Variants in SOX5 observed in about 807,000 individuals in gnomAD.
SOX5 encodes the protein transcription factor SOX-5.
In SOX5, 9 loss-of-function variants were observed where a neutral mutation model predicts 92.0. The ratio of observed to expected loss-of-function variants is 0.10; its 90% confidence interval spans 0.06 to 0.17. The LOEUF (loss-of-function observed/expected upper bound fraction) is 0.17. SOX5 is among the 10% of genes least tolerant of loss of function. SOX5 has a pLI of 1.00. For missense variants in SOX5, 642 were observed against 944.5 expected (o/e 0.68, Z 4.20); for synonymous variants, 344 against 336.3 (o/e 1.02, Z -0.25).
At chr12:23,809,984 T>C (rs773753842) in intron 3 of SOX5, among the ~76,000 whole-genome samples, 10 of 152,094 alleles carry the variant, frequency 6.6e-5, no homozygotes, top group Non-Finnish European at 1.2e-4. Flanking sequence ...AAACGAAATA[T>C]TTGGTTTGAA....
At chr12:24,538,377 A>C (rs1456462850) in intron 1 of SOX5, among the ~76,000 whole-genome samples, 1 of 152,154 alleles carries the variant, frequency 6.6e-6, no homozygotes, top group Non-Finnish European at 1.5e-5. Flanking sequence ...CTGAACTTTG[A>C]CCTGCTTAAA....
At chr12:24,453,864 G>C (rs945594402) in intron 1 of SOX5, among the ~76,000 whole-genome samples, 1 of 152,154 alleles carries the variant, frequency 6.6e-6, no homozygotes, top group African/African-American at 2.4e-5. Context: ...CTCCATCAGC[G>C]TCTACATCTC....
intron 3 of SOX5, among the ~76,000 whole-genome samples, chr12:23,820,002 C>T (rs531607748): frequency 1.3e-5 from 2 of 152,302 alleles, no homozygotes; most frequent in Admixed American, 1.3e-4. Flanking sequence ...TGAGGAATCG[C>T]CACACTGTCT....
intron 4 of SOX5, among the ~76,000 whole-genome samples, chr12:24,048,412 A>C (rs1957249307): frequency 6.6e-6 from 1 of 152,196 alleles, no homozygotes; most frequent in Non-Finnish European, 1.5e-5. Context: ...AAAGAGTTAT[A>C]AACAGGAGCA....
At chr12:23,982,432 C>A (rs1321902766) in intron 4 of SOX5, among the ~76,000 whole-genome samples, 1 of 152,126 alleles carries the variant, frequency 6.6e-6, no homozygotes, top group Non-Finnish European at 1.5e-5. Flanking sequence ...TTACACAAAT[C>A]TCCATTCGGA....
chr12:24,254,632 T>G (rs1940814161), intron 3 of SOX5, among the ~76,000 whole-genome samples: 1 of 151,952 alleles, frequency 6.6e-6, no homozygotes, highest in Non-Finnish European at 1.5e-5. Flanking sequence ...TGAATATGTA[T>G]CACTTGGGTT....
intron 2 of SOX5, among the ~76,000 whole-genome samples, chr12:24,289,384 G>T (rs184189732): frequency 5.3e-4 from 81 of 151,818 alleles, no homozygotes; most frequent in African/African-American, 1.8e-3. Context: ...AATCTCTTGC[G>T]TTTCTGTACT....
At chr12:23,586,704 T>G (rs1376806755) in intron 9 of SOX5, among the ~76,000 whole-genome samples, 1 of 151,718 alleles carries the variant, frequency 6.6e-6, no homozygotes, top group African/African-American at 2.4e-5. Flanking sequence ...CATGAGTTGT[T>G]GGAAGATTAA....
chr12:23,947,297 AAC>A (rs1220351911), intron 1 of SOX5, among the ~76,000 whole-genome samples: 1 of 152,114 alleles, frequency 6.6e-6, no homozygotes, highest in African/African-American at 2.4e-5. Context: ...AATAAAAATT[AAC>A]AGTCAATAGA....
chr12:24,080,292 G>A (rs909519290), intron 4 of SOX5, among the ~76,000 whole-genome samples: 3 of 151,850 alleles, frequency 2.0e-5, no homozygotes, highest in Admixed American at 2.0e-4. Context: ...AAAATATTTA[G>A]TATAGATTAA....
intron 6 of SOX5, among the ~76,000 whole-genome samples, chr12:23,713,159 G>A (rs2092205268): frequency 6.6e-6 from 1 of 152,180 alleles, no homozygotes; most frequent in Non-Finnish European, 1.5e-5. Flanking sequence ...ACAGTGTAGG[G>A]ACAGAGGCAG....
intron 2 of SOX5, among the ~76,000 whole-genome samples, chr12:24,302,672 C>T (rs528226831): frequency 3.3e-5 from 5 of 151,922 alleles, no homozygotes; most frequent in South Asian, 2.1e-4. Flanking sequence ...TTTAATATGG[C>T]TGGAAGTTGC....
intron 3 of SOX5, among the ~76,000 whole-genome samples, chr12:23,761,467 G>A (rs147467650): frequency 0.01 from 1,528 of 152,230 alleles, 11 homozygotes; most frequent in Non-Finnish European, 0.018. Flanking sequence ...AAGGAAATTA[G>A]TGTTGGGAGA....
chr12:23,641,182 GA>G (rs1566624564), intron 7 of SOX5, among the ~76,000 whole-genome samples: 2 of 151,692 alleles, frequency 1.3e-5, no homozygotes, highest in African/African-American at 4.9e-5. Flanking sequence ...GGCTGCACTT[GA>G]TAACACACAC....
intron 3 of SOX5, among the ~76,000 whole-genome samples, chr12:24,247,465 C>G (rs937808254): frequency 6.6e-6 from 1 of 151,746 alleles, no homozygotes; most frequent in Non-Finnish European, 1.5e-5. Flanking sequence ...TATGCTAAGG[C>G]CCAGGAATAG....
chr12:24,164,137 C>T (rs1383686787), intron 4 of SOX5, among the ~76,000 whole-genome samples: 1 of 152,008 alleles, frequency 6.6e-6, no homozygotes, highest in Non-Finnish European at 1.5e-5. Context: ...GTACCTTTCA[C>T]TCCATTTTCT....
intron 4 of SOX5, among the ~76,000 whole-genome samples, chr12:24,037,803 G>T (rs376087320): frequency 1.3e-5 from 2 of 152,190 alleles, no homozygotes; most frequent in African/African-American, 4.8e-5. Flanking sequence ...GAGACTAACT[G>T]ATGTCTGTCT....
intron 8 of SOX5, among the ~76,000 whole-genome samples, chr12:23,633,703 T>A (rs1464262517): frequency 6.6e-6 from 1 of 152,128 alleles, no homozygotes; most frequent in African/African-American, 2.4e-5. Flanking sequence ...GATAAACACA[T>A]CCTTCCATTA....
intron 1 of SOX5, among the ~76,000 whole-genome samples, chr12:24,472,574 C>T (rs117506632): frequency 0.017 from 2,661 of 152,252 alleles, 30 homozygotes; most frequent in Middle Eastern, 0.034. Context: ...TTTTCTAAGG[C>T]CCCCAAATGG....
Sources: allele counts gnomAD v4.1 joint callset (sites outside exome capture counted in the v4.1 genomes callset), GRCh38; gene constraint gnomAD v4.1.1; transcripts MANE v1.5; gene names NCBI Gene and HGNC (gene_info 2026-07-23, HGNC 2026-07-21).